TOR1A: variants seen among roughly 807,000 people sequenced by gnomAD.
TOR1A encodes torsin-1A.
In TOR1A, 18 loss-of-function variants were observed where a neutral mutation model predicts 31.4. The ratio of observed to expected loss-of-function variants is 0.57; its 90% confidence interval spans 0.40 to 0.85. The LOEUF (loss-of-function observed/expected upper bound fraction) is 0.85. Among genes scored for constraint, TOR1A ranks in the 40% least tolerant of loss-of-function variants. The probability of loss-of-function intolerance (pLI) is 0.00; values close to 1 mark genes in which losing one functional copy is unlikely to be tolerated. For synonymous variants in TOR1A, 168 were observed against 165.9 expected, an observed-to-expected ratio of 1.01 and a Z score of -0.10; for missense variants, 375 against 416.4, an observed-to-expected ratio of 0.90 and a Z score of 0.87.
At chr9:129,823,775 T>G (rs1422922344) in intron 1 of TOR1A, 133 bp downstream of exon 1, 6 of 617,938 alleles carry the variant, frequency 9.7e-6, no homozygotes, top group Non-Finnish European at 1.4e-5. Context: ...GCTCCAGCCC[T>G]AGTCCTAGCC....
Position 129,822,742 on chromosome 9 carries a change from G to T in TOR1A, c.283C>A (p.Pro95Thr). The T allele has an allele frequency of 6.2e-7, 1 of 1,614,176 alleles. No homozygotes were observed. The highest frequency in any genetic ancestry group is 8.5e-7 in the Non-Finnish European group (1 of 1,180,036). The part of the protein sequence containing the change: ...GFINNPKPKK[P>T]LTLSLHGWTG... The stretch of plus-strand genomic sequence containing the variant: ...CACCCGTGCAGGGAGAGCGTGAGAG[G>T]TTTCTTGGGCTTTGGGTTGTTTATG... Residue 95 changes from proline (P) to threonine (T), a missense_variant, in exon 2 of 5, where the codon CCT (proline) becomes ACT (threonine). Pro to Thr is a conservative substitution (Grantham distance 38). Transcript: ENST00000351698.
At chr9:129,816,055 C>G (rs750467084) in intron 4 of TOR1A, among the ~76,000 whole-genome samples, 2 of 152,062 alleles carry the variant, frequency 1.3e-5, no homozygotes, top group African/African-American at 4.8e-5. Flanking sequence ...CAAGGTTCAC[C>G]ATGGCCCGCC....
Position 129,813,699 on chromosome 9 carries a change from T to TA in TOR1A, c.*272dup. ...ACACTTGGAATTAAAACATAATTTG[T>TA]AAAAAATCATGAGCCCTGCGATGAG... On this transcript the variant is annotated 3_prime_UTR_variant, in exon 5 of 5. Transcript: ENST00000351698. 1 of 537,354 alleles carries TA rather than the reference T, an allele frequency of 1.9e-6. No individual in the cohort carries two copies. The highest frequency in any genetic ancestry group is 3.3e-6 in the Non-Finnish European group (1 of 299,656). The allele number at this position is 537,354 out of a possible 1,614,324, so 33.3% of individuals were successfully genotyped here.
intron 2 of TOR1A, chr9:129,822,328 T>C (rs2031202990): frequency 7.2e-6 from 4 of 553,788 alleles, no homozygotes; most frequent in Non-Finnish European, 1.3e-5. Context: ...GATTTGATCA[T>C]GTCCACCTCT....
Position 129,822,628 on chromosome 9 carries a change from C to G in TOR1A, c.397G>C (p.Val133Leu). The change falls in exon 2 of 5, where the codon GTG (valine) becomes CTG (leucine). Residue 133 changes from valine to leucine, a missense_variant. Physicochemically the swap from Val to Leu is conservative, Grantham distance 32. Coordinates refer to ENST00000351698, the MANE Select transcript of TOR1A (RefSeq NM_000113.3). The part of the protein sequence containing the change: ...GLNSDYVHLF[V>L]ATLHFPHASN... ...GCATGTGGAAAGTGCAATGTGGCCACAAACAGGTGGACATAGTCACTGTTC... is the reference window on the plus strand; with the variant it reads ...GCATGTGGAAAGTGCAATGTGGCCAGAAACAGGTGGACATAGTCACTGTTC... 1.9e-6 allele frequency: 3 copies of G among 1,614,224 alleles called. No homozygotes were observed. Among genetic ancestry groups the G allele is most frequent in the Non-Finnish European group, 2.5e-6 (3 of 1,180,042 alleles).
chr9:129,819,675 A>G (rs1448549063), intron 2 of TOR1A, among the ~76,000 whole-genome samples: 4 of 151,836 alleles, frequency 2.6e-5, no homozygotes, highest in Non-Finnish European at 4.4e-5. Context: ...GTAGAATTGC[A>G]TGAACCTGGG....
rs112055749 is a variant in TOR1A, at chr9:129,821,175, T to C, written c.444+1406A>G. Among the ~76,000 whole-genome samples the C allele has an allele frequency of 2.6e-5, 4 of 152,154 alleles. 1 individual carries two copies. Among genetic ancestry groups the C allele is most frequent in the African/African-American group, 9.6e-5 (4 of 41,504 alleles). On this transcript the variant is annotated intron_variant, in intron 2 of 4. Coordinates refer to ENST00000351698, the MANE Select transcript of TOR1A (RefSeq NM_000113.3). ...AAAATTAGCTGGGTGTGGTGGCAGG[T>C]GCCTGTAATACCAGCTACTTGGGAG...
chr9:129,820,073 G>A (rs1289181702), intron 2 of TOR1A, among the ~76,000 whole-genome samples: 2 of 151,974 alleles, frequency 1.3e-5, no homozygotes, highest in East Asian at 3.9e-4. Flanking sequence ...GCAATAACAG[G>A]GAACATGCAC....
intron 2 of TOR1A, chr9:129,822,339 A>G (rs1001860535): frequency 3.0e-5 from 17 of 571,284 alleles, no homozygotes; most frequent in Non-Finnish European, 9.6e-6. Context: ...GTCCACCTCT[A>G]AAATCCCATG....
chr9:129,822,848 T>G lies in TOR1A; in HGVS notation c.179-2A>C. 6.2e-7 allele frequency: 1 copy of G among 1,614,180 alleles called. No individual in the cohort carries two copies. The highest frequency in any genetic ancestry group is 1.1e-5 in the South Asian group (1 of 91,084). ...TGTCGTCCAGATCCTTCTGCAGTGC[T>G]GGGAAAGACAAAGCCAATCAGGAGT... On this transcript the variant is annotated splice_acceptor_variant, in intron 1 of 4. Transcript: ENST00000351698. LOFTEE classifies it high-confidence loss of function.
At chr9:129,820,807 C>T (rs1236118079) in intron 2 of TOR1A, among the ~76,000 whole-genome samples, 1 of 152,098 alleles carries the variant, frequency 6.6e-6, no homozygotes, top group Non-Finnish European at 1.5e-5. Flanking sequence ...CCATGTTCCC[C>T]AGGCTGGTCT....
At position 129,814,046 on chromosome 9, in the gene TOR1A, TG is replaced by T. The variant is rs1277183554; in HGVS notation, c.924del (p.Glu310ArgfsTer17). 6.2e-7 allele frequency: 1 copy of T among 1,614,222 alleles called. No homozygotes were observed. Among genetic ancestry groups the T allele is most frequent in the East Asian group, 2.2e-5 (1 of 44,886 alleles). On this transcript the variant is annotated frameshift_variant, in exon 5 of 5. Transcript: ENST00000351698. LOFTEE classifies it high-confidence loss of function. Reference sequence around the variant, plus strand: ...TTATCTGAGAAAACTCTCTCCTCTTTGGGGAAAAATGTCATCTCCTCAGCCA... The same window carrying T: ...TTATCTGAGAAAACTCTCTCCTCTTTGGGAAAAATGTCATCTCCTCAGCCA... ...SRVAEEMTFF[P>X]KEERVFSDKG...
chr9:129,814,320 A>G, intron 4 of TOR1A, 98 bp from the exon 5 acceptor site: 1 of 1,582,000 alleles, frequency 6.3e-7, no homozygotes, highest in Non-Finnish European at 8.6e-7. Flanking sequence ...TCCGTCCCAC[A>G]AACGTCTACT....
At chr9:129,815,237 G>A (rs1372128897) in intron 4 of TOR1A, among the ~76,000 whole-genome samples, 1 of 152,220 alleles carries the variant, frequency 6.6e-6, no homozygotes, top group Non-Finnish European at 1.5e-5. Flanking sequence ...GCACACAACT[G>A]GTACTCAATA....
intron 4 of TOR1A, among the ~76,000 whole-genome samples, chr9:129,815,142 CT>C (rs1005352157): frequency 6.6e-6 from 1 of 152,252 alleles, no homozygotes; most frequent in African/African-American, 2.4e-5. Context: ...CCCTTCTGGT[CT>C]GCCATGTAAT....
At chr9:129,816,275 G>T (rs2031036803) in intron 4 of TOR1A, among the ~76,000 whole-genome samples, 1 of 152,052 alleles carries the variant, frequency 6.6e-6, no homozygotes, top group Admixed American at 6.5e-5. Context: ...CACCCTCACA[G>T]GGAGCCTTCC....
In TOR1A at chr9:129,822,819, A is replaced by G. The variant is rs2031218741; in HGVS notation, c.206T>C (p.Leu69Pro). ...EALQKDLDDNLFGQHLAKKII... is the reference protein window; with the variant it reads ...EALQKDLDDNPFGQHLAKKII... ...TTTCTTTGCAAGATGCTGTCCAAAG[A>G]GGTTGTCGTCCAGATCCTTCTGCAG... Residue 69 changes from leucine to proline, a missense_variant, in exon 2 of 5, where the codon CTC (leucine) becomes CCC (proline). Coordinates refer to ENST00000351698, the MANE Select transcript of TOR1A (RefSeq NM_000113.3). The G allele has an allele frequency of 3.1e-6, 5 of 1,614,224 alleles. No individual in the cohort carries two copies. Among genetic ancestry groups the G allele is most frequent in the Non-Finnish European group, 4.2e-6 (5 of 1,180,040 alleles).
rs1345106202 is a variant in TOR1A at position 129,822,611 on chromosome 9, A to C, written c.414T>G (p.Phe138Leu). ...YVHLFVATLH[F>L]PHASNITLYK... ...ACAAGGTGATGTTTGAAGCATGTGG[A>C]AAGTGCAATGTGGCCACAAACAGGT... Residue 138 changes from phenylalanine (F) to leucine (L), a missense_variant, in exon 2 of 5, where the codon TTT becomes TTG. Transcript: ENST00000351698. The C allele has an allele frequency of 6.2e-7, 1 of 1,614,220 alleles. No homozygotes were observed. Among genetic ancestry groups the C allele is most frequent in the Non-Finnish European group, 8.5e-7 (1 of 1,180,044 alleles).
At chr9:129,818,965 G>C (rs1564183870) in intron 2 of TOR1A, 45 bp from the exon 3 acceptor site, 1 of 1,598,884 alleles carries the variant, frequency 6.3e-7, no homozygotes, top group Admixed American at 1.7e-5. Context: ...CTCAGCCAGG[G>C]CCATCAATCA....
Sources: allele counts gnomAD v4.1 joint callset (sites outside exome capture counted in the v4.1 genomes callset), GRCh38; gene constraint gnomAD v4.1.1; transcripts MANE v1.5; gene names NCBI Gene and HGNC (gene_info 2026-07-23, HGNC 2026-07-21).